TAFA4: variants seen among roughly 807,000 people sequenced by gnomAD.
The protein encoded by TAFA4 is TAFA chemokine like family member 4, also known as chemokine-like protein TAFA-4.
TAFA4 carries 20 observed loss-of-function variants against 21.1 expected under a neutral mutation model. The ratio of observed to expected loss-of-function variants is 0.95; its 90% CI spans 0.67 to 1.38. The LOEUF (loss-of-function observed/expected upper bound fraction) is 1.38. TAFA4 is among the 40% of genes most tolerant of loss of function. TAFA4 has a pLI of 0.00. For synonymous variants in TAFA4, 71 were observed against 67.4 expected, an observed-to-expected ratio of 1.05 and a Z score of -0.26; for missense variants, 211 against 180.9, an observed-to-expected ratio of 1.17 and a Z score of -0.95.
At chr3:68,873,374 A>ACACACACACACC (rs1216878409) in intron 3 of TAFA4, among the ~76,000 whole-genome samples, 114 of 140,374 alleles carry the variant, frequency 8.1e-4, no homozygotes, top group African/African-American at 2.7e-3. Flanking sequence ...ACACACACAC[A>ACACACACACACC]CACCCTGGGC....
chr3:68,740,148 G>C (rs1702323574), intron 4 of TAFA4, among the ~76,000 whole-genome samples: 1 of 152,132 alleles, frequency 6.6e-6, no homozygotes, highest in South Asian at 2.1e-4. Flanking sequence ...TTGAAAAGTA[G>C]ATCCTCACCC....
chr3:68,750,295 A>T (rs1314252715), intron 4 of TAFA4, among the ~76,000 whole-genome samples: 1 of 152,178 alleles, frequency 6.6e-6, no homozygotes, highest in Non-Finnish European at 1.5e-5. Context: ...AGACCCTATC[A>T]TTATTTTTAA....
chr3:68,888,780 C>G (rs1261413127), intron 1 of TAFA4, among the ~76,000 whole-genome samples: 1 of 151,886 alleles, frequency 6.6e-6, no homozygotes, highest in Non-Finnish European at 1.5e-5. Flanking sequence ...ACAATCCACT[C>G]TCACAATAAG....
Position 68,739,169 on chromosome 3 carries a change from T to C in TAFA4, c.317A>G (p.His106Arg). 1 of 1,613,964 alleles carries C rather than the reference T, an allele frequency of 6.2e-7. No individual in the cohort carries two copies. The highest frequency in any genetic ancestry group is 1.1e-5 in the South Asian group (1 of 91,064). The change falls in exon 5 of 6, where the codon CAC becomes CGC. Residue 106 changes from histidine to arginine, a missense_variant. Physicochemically the swap from His to Arg is conservative, Grantham distance 29. Transcript: ENST00000295569. ...CTCTCCTTCCAAACACGGATTCATG[T>C]GACACCACCATTTCTGAATCACAAT... Reference protein sequence around the residue: ...ASIVIQKWWCHMNPCLEGEDC... With the variant: ...ASIVIQKWWCRMNPCLEGEDC...
chr3:68,837,655 T>C (rs1326857057), intron 3 of TAFA4, among the ~76,000 whole-genome samples: 1 of 152,134 alleles, frequency 6.6e-6, no homozygotes, highest in African/African-American at 2.4e-5. Flanking sequence ...CAAACACAAG[T>C]GACCCTAGGA....
chr3:68,882,758 G>A (rs1026029710), intron 2 of TAFA4, among the ~76,000 whole-genome samples: 2 of 152,140 alleles, frequency 1.3e-5, no homozygotes, highest in African/African-American at 4.8e-5. Flanking sequence ...TAGAACTCAG[G>A]TAAGATCCAC....
chr3:68,863,923 A>G (rs978562705), intron 3 of TAFA4, among the ~76,000 whole-genome samples: 7 of 152,148 alleles, frequency 4.6e-5, no homozygotes, highest in African/African-American at 1.7e-4. Context: ...CCTACTAAAA[A>G]TGCATTACAT....
chr3:68,790,231 G>A (rs1050323578), intron 3 of TAFA4, among the ~76,000 whole-genome samples: 3 of 151,228 alleles, frequency 2.0e-5, no homozygotes, highest in African/African-American at 4.9e-5. Context: ...TGCAGACTTT[G>A]AAAGATCAGA....
At chr3:68,921,710 C>T (rs1201190637) in intron 1 of TAFA4, among the ~76,000 whole-genome samples, 1 of 152,170 alleles carries the variant, frequency 6.6e-6, no homozygotes, top group South Asian at 2.1e-4. Context: ...GGAACAAAAA[C>T]GGAATTCCTG....
At chr3:68,781,066 A>G (rs990607925) in intron 3 of TAFA4, among the ~76,000 whole-genome samples, 2 of 152,130 alleles carry the variant, frequency 1.3e-5, no homozygotes, top group African/African-American at 4.8e-5. Flanking sequence ...AGAAATCATA[A>G]AAGTATTTTA....
At position 68,733,109 on chromosome 3, in the gene TAFA4, C is replaced by T. The variant is rs929839637; in HGVS notation, c.*33G>A. 2 of 1,612,392 alleles carry T rather than the reference C, an allele frequency of 1.2e-6. No individual in the cohort carries two copies. The highest frequency in any genetic ancestry group is 2.2e-5 in the East Asian group (1 of 44,872). ...AGCAAAAGAGCTCCGCCTCCTGCTG[C>T]CCCTCCAGGATTGAAGCACACCTCT... On this transcript the variant is annotated 3_prime_UTR_variant, in exon 6 of 6. Transcript: ENST00000295569.
At chr3:68,879,159 T>C (rs1234267066) in intron 3 of TAFA4, among the ~76,000 whole-genome samples, 1 of 152,142 alleles carries the variant, frequency 6.6e-6, no homozygotes, top group Non-Finnish European at 1.5e-5. Context: ...GCCAGGAGCC[T>C]CTCTGGACAC....
intron 3 of TAFA4, among the ~76,000 whole-genome samples, chr3:68,869,334 A>C (rs1553649440): frequency 8.5e-5 from 13 of 152,092 alleles, no homozygotes; most frequent in Non-Finnish European, 7.4e-5. Flanking sequence ...AAAATGAAGA[A>C]GAGGTAATAT....
chr3:68,831,800 C>T (rs986339386), intron 3 of TAFA4, among the ~76,000 whole-genome samples: 1 of 152,172 alleles, frequency 6.6e-6, no homozygotes, highest in African/African-American at 2.4e-5. Context: ...TCCATTCTCC[C>T]CATCACTTTC....
chr3:68,889,549 G>T (rs2089710523), intron 1 of TAFA4, among the ~76,000 whole-genome samples: 1 of 152,040 alleles, frequency 6.6e-6, no homozygotes, highest in African/African-American at 2.4e-5. Context: ...TACCTCTTCG[G>T]TCTGCTACAC....
At chr3:68,820,158 T>G (rs907992177) in intron 3 of TAFA4, among the ~76,000 whole-genome samples, 2 of 152,130 alleles carry the variant, frequency 1.3e-5, no homozygotes, top group African/African-American at 4.8e-5. Flanking sequence ...CTGGAGGACA[T>G]TATGTTAAGT....
chr3:68,908,989 C>G (rs1205149805), intron 1 of TAFA4, among the ~76,000 whole-genome samples: 1 of 152,152 alleles, frequency 6.6e-6, no homozygotes, highest in Non-Finnish European at 1.5e-5. Flanking sequence ...TAGTCACTAC[C>G]CACATGTAGC....
In TAFA4 at chr3:68,794,502, C is replaced by G. The variant is rs576509475; in HGVS notation, c.131-41484G>C. 1.6e-3 allele frequency among the ~76,000 whole-genome samples: 239 copies of G among 152,304 alleles called. 1 individual carries two copies. Among genetic ancestry groups the G allele is most frequent in the Non-Finnish European group, 2.6e-3 (174 of 68,026 alleles). Reference sequence around the variant, plus strand: ...CCTTCAGATGACTTTCTCTCCTCCCCCGCACCATTCACAGCTGCTCAGCTC... The same window carrying G: ...CCTTCAGATGACTTTCTCTCCTCCCGCGCACCATTCACAGCTGCTCAGCTC... On this transcript the variant is annotated intron_variant, in intron 3 of 5. Coordinates refer to ENST00000295569, the MANE Select transcript of TAFA4 (RefSeq NM_182522.5).
intron 3 of TAFA4, among the ~76,000 whole-genome samples, chr3:68,776,256 A>G (rs1342121476): frequency 6.6e-6 from 1 of 152,172 alleles, no homozygotes; most frequent in Non-Finnish European, 1.5e-5. Context: ...AACAAGACCC[A>G]AATATATGCT....
Sources: gnomAD v4.1 joint callset for allele counts (sites outside exome capture counted in the v4.1 genomes callset) on GRCh38, gnomAD v4.1.1 for gene constraint, MANE v1.5 for transcripts, NCBI Gene and HGNC (gene_info 2026-07-23, HGNC 2026-07-21) for gene names.